The following TBC1D22B variants were observed in gnomAD, a reference collection of about 807,000 sequenced individuals.
The protein encoded by TBC1D22B is chromosome 6 open reading frame 197.
TBC1D22B carries 32 observed loss-of-function variants against 69.1 expected under a neutral mutation model. The observed-to-expected ratio is 0.46, with a 90% CI of 0.35 to 0.62. TBC1D22B has a LOEUF of 0.62. Among genes scored for constraint, TBC1D22B ranks in the 20% least tolerant of loss-of-function variants. TBC1D22B has a pLI of 0.00. For synonymous variants in TBC1D22B, 206 were observed against 229.8 expected, an observed-to-expected ratio of 0.90 and a Z score of 0.94; for missense variants, 462 against 630.9, an observed-to-expected ratio of 0.73 and a Z score of 2.87.
chr6:37,287,224 C>G (rs1017187008), intron 7 of TBC1D22B, 152 bp downstream of exon 7: 1 of 566,076 alleles, frequency 1.8e-6, no homozygotes, highest in Admixed American at 3.8e-5. Flanking sequence ...TTCATTTGAT[C>G]TTTGTTACAA....
At chr6:37,264,393 A>G (rs1427655044) in intron 1 of TBC1D22B, among the ~76,000 whole-genome samples, 1 of 152,064 alleles carries the variant, frequency 6.6e-6, no homozygotes, top group Admixed American at 6.6e-5. Context: ...GCTCACCGCA[A>G]CCTCTGCCTC....
chr6:37,303,892 GTTGT>G (rs1368882203), intron 8 of TBC1D22B, among the ~76,000 whole-genome samples: 1 of 152,168 alleles, frequency 6.6e-6, no homozygotes, highest in Non-Finnish European at 1.5e-5. Flanking sequence ...TACCTCGCTA[GTTGT>G]TTGTGTTTCC....
intron 1 of TBC1D22B, among the ~76,000 whole-genome samples, chr6:37,260,303 G>A (rs1199870805): frequency 6.6e-6 from 1 of 152,170 alleles, no homozygotes; most frequent in Non-Finnish European, 1.5e-5. Flanking sequence ...ACTTGGAAAT[G>A]AAACTAGTTT....
intron 1 of TBC1D22B, chr6:37,258,196 A>G (rs541826171): frequency 4.9e-4 from 274 of 561,802 alleles, no homozygotes; most frequent in South Asian, 6.6e-4. Flanking sequence ...CGGAGGTTTC[A>G]GGAGGGGTGA....
intron 8 of TBC1D22B, among the ~76,000 whole-genome samples, chr6:37,308,935 C>T (rs1318316458): frequency 2.3e-5 from 2 of 86,970 alleles, no homozygotes; most frequent in Non-Finnish European, 4.7e-5. Context: ...ATAGTAAGAT[C>T]CTGTCTCTTA....
intron 1 of TBC1D22B, among the ~76,000 whole-genome samples, chr6:37,267,351 A>G (rs1766317567): frequency 8.2e-6 from 1 of 121,612 alleles, no homozygotes; most frequent in Non-Finnish European, 1.6e-5. Context: ...ATATATATAT[A>G]CACACATATA....
intron 1 of TBC1D22B, among the ~76,000 whole-genome samples, chr6:37,259,714 T>C (rs570493439): frequency 1.7e-3 from 262 of 152,298 alleles, no homozygotes; most frequent in African/African-American, 5.7e-3. Context: ...AACTTTCGAG[T>C]TCAGAAAGAC....
chr6:37,283,251 C>T (rs902136636), intron 5 of TBC1D22B, among the ~76,000 whole-genome samples: 2 of 152,202 alleles, frequency 1.3e-5, no homozygotes, highest in Admixed American at 1.3e-4. Flanking sequence ...GAGTAAGCTC[C>T]AACGTTCCCT....
At chr6:37,318,289 G>C (rs1381365332) in intron 12 of TBC1D22B, among the ~76,000 whole-genome samples, 1 of 152,222 alleles carries the variant, frequency 6.6e-6, no homozygotes, top group African/African-American at 2.4e-5. Context: ...ATTGGGTGTA[G>C]AGTACAACAG....
At chr6:37,261,662 A>G (rs866879143) in intron 1 of TBC1D22B, among the ~76,000 whole-genome samples, 2 of 152,164 alleles carry the variant, frequency 1.3e-5, no homozygotes, top group Admixed American at 1.3e-4. Flanking sequence ...ATTAGCTATT[A>G]TAAGAAGGAT....
chr6:37,263,426 G>A (rs1766172041), intron 1 of TBC1D22B, among the ~76,000 whole-genome samples: 1 of 152,198 alleles, frequency 6.6e-6, no homozygotes, highest in Non-Finnish European at 1.5e-5. Context: ...AAAAAATACT[G>A]TGTGTTGTTT....
At position 37,282,358 on chromosome 6, in the gene TBC1D22B, G is replaced by T; in HGVS notation, c.595G>T (p.Asp199Tyr). 6.2e-7 allele frequency: 1 copy of T among 1,600,076 alleles called. No homozygotes were observed. The highest frequency in any genetic ancestry group is 8.5e-7 in the Non-Finnish European group (1 of 1,171,978). Residue 199 changes from aspartate to tyrosine, a missense_variant, in exon 4 of 13, where the codon GAC becomes TAC. Around this residue, in one of 2 missense-constraint regions of TBC1D22B, gnomAD observed 237 missense variants for 255.4 expected, o/e 0.93. Transcript: ENST00000373491. ...FRQLLSSQNT[D>Y]LDELRKCSWP... Reference sequence around the variant, plus strand: ...TCAACTTCTCTCCAGCCAGAACACTGACTTAGGTGAGTCCCTGTGAGCCCA... The same window carrying T: ...TCAACTTCTCTCCAGCCAGAACACTTACTTAGGTGAGTCCCTGTGAGCCCA...
chr6:37,296,281 AAAAT>A (rs895216381), intron 8 of TBC1D22B, among the ~76,000 whole-genome samples: 5 of 151,684 alleles, frequency 3.3e-5, no homozygotes, highest in African/African-American at 1.2e-4. Context: ...TAATAAATAA[AAAAT>A]AAAGTATTAT....
chr6:37,267,627 A>G lies in TBC1D22B; in HGVS notation c.57-1967A>G, dbSNP rs1174207074. On this transcript the variant is annotated intron_variant, in intron 1 of 12. Transcript: ENST00000373491. ...TCTTTTTATTTTAGTGATTGTGTTT[A>G]TAAGTGTAACTTTATACCATATTTC... Among the ~76,000 whole-genome samples, 3 of 150,510 alleles carry G rather than the reference A, an allele frequency of 2.0e-5. No homozygotes were observed. The Admixed American group carries it at 2.0e-4, about 10-fold the overall frequency.
intron 10 of TBC1D22B, among the ~76,000 whole-genome samples, chr6:37,314,463 G>T (rs186113772): frequency 6.6e-6 from 1 of 152,302 alleles, no homozygotes; most frequent in African/African-American, 2.4e-5. Flanking sequence ...CTTGTGTGGG[G>T]TGGGGAAATT....
intron 3 of TBC1D22B, among the ~76,000 whole-genome samples, chr6:37,281,299 A>G (rs1766819132): frequency 6.6e-6 from 1 of 152,254 alleles, no homozygotes; most frequent in Non-Finnish European, 1.5e-5. Context: ...GAGAGATCAT[A>G]TGTAAAAGTG....
At chr6:37,326,910 A>T (rs547982978) in intron 12 of TBC1D22B, among the ~76,000 whole-genome samples, 16 of 152,342 alleles carry the variant, frequency 1.1e-4, no homozygotes, top group African/African-American at 3.8e-4. Flanking sequence ...GAGGAGATTG[A>T]TGGGGTTCAC....
At position 37,273,172 on chromosome 6, in the gene TBC1D22B, T is replaced by G. The variant is rs760098742; in HGVS notation, c.113+3522T>G. Among the ~76,000 whole-genome samples, 5 of 107,104 alleles carry G rather than the reference T, an allele frequency of 4.7e-5. No homozygotes were observed. The South Asian group carries it at 1.1e-3, about 23-fold the overall frequency. The allele number at this position is 107,104 out of a possible 152,430, so 70.3% of individuals were successfully genotyped here. ...TCTGAAAGCTATAGCAGCCGACTCG[T>G]AACCCCGAGGCAAAAAAAAAAAAAA... On this transcript the variant is annotated intron_variant, in intron 2 of 12. Transcript: ENST00000373491.
intron 1 of TBC1D22B, among the ~76,000 whole-genome samples, chr6:37,263,547 A>G (rs755003556): frequency 2.0e-5 from 3 of 152,170 alleles, no homozygotes; most frequent in Non-Finnish European, 2.9e-5. Context: ...AGGGACTGCA[A>G]TTAGGGCATC....
Sources: allele counts gnomAD v4.1 joint callset (sites outside exome capture counted in the v4.1 genomes callset), GRCh38; gene constraint gnomAD v4.1.1; regional missense constraint gnomAD v4.1.1; transcripts MANE v1.5; gene names NCBI Gene and HGNC (gene_info 2026-07-23, HGNC 2026-07-21).